The following ADGRD1 variants were observed in gnomAD, a reference collection of about 807,000 sequenced individuals.
The protein encoded by ADGRD1 is G-protein coupled receptor 133.
ADGRD1 carries 77 observed loss-of-function variants against 113.4 expected under a neutral mutation model. The ratio of observed to expected loss-of-function variants is 0.68; its 90% confidence interval spans 0.57 to 0.82. The LOEUF (loss-of-function observed/expected upper bound fraction) is 0.82, where lower values mean the gene tolerates loss of function less well. Among genes scored for constraint, ADGRD1 ranks in the 40% least tolerant of loss-of-function variants. The pLI, the probability that ADGRD1 is intolerant of heterozygous loss-of-function variation, is 0.00. For synonymous variants in ADGRD1, 474 were observed against 475.0 expected, an observed-to-expected ratio of 1.00 and a Z score of 0.03; for missense variants, 1,036 against 1,139.1, an observed-to-expected ratio of 0.91 and a Z score of 1.30.
intron 15 of ADGRD1, among the ~76,000 whole-genome samples, chr12:131,103,192 A>G (rs1437629597): frequency 6.6e-6 from 1 of 152,250 alleles, no homozygotes; most frequent in Admixed American, 6.5e-5. Flanking sequence ...GGCTCTGCCC[A>G]GCCCTCAGCC....
rs1489395186 is a variant in ADGRD1 at position 130,961,853 on chromosome 12, C to G, written c.104-4610C>G. Among the ~76,000 whole-genome samples, 6 of 152,294 alleles carry G rather than the reference C, an allele frequency of 3.9e-5. No individual in the cohort carries two copies. The East Asian group carries it at 5.8e-4, about 15-fold the overall frequency. On this transcript the variant is annotated intron_variant, in intron 2 of 24. Transcript: ENST00000261654. ...TAAAAAAAAATCTGAATTTCTGACT[C>G]TGCTTTAAAAAATGAAGACCTGACA... is the stretch of plus-strand genomic sequence containing the variant.
chr12:131,132,472 G>A (rs1356839413), intron 21 of ADGRD1, among the ~76,000 whole-genome samples: 8 of 152,252 alleles, frequency 5.3e-5, no homozygotes, highest in African/African-American at 2.4e-5. Context: ...GCAGCTGACT[G>A]TGAAGTCCGG....
At chr12:131,110,117 C>G (rs1007426166) in intron 18 of ADGRD1, among the ~76,000 whole-genome samples, 4 of 128,676 alleles carry the variant, frequency 3.1e-5, no homozygotes, top group African/African-American at 1.0e-4. Context: ...CTCCTGTAAA[C>G]AGAATACAAC....
rs139444243 is a variant in ADGRD1 at position 131,034,123 on chromosome 12, G to A, written c.1473+19783G>A. Among the ~76,000 whole-genome samples, 43 of 152,292 alleles carry A rather than the reference G, an allele frequency of 2.8e-4. 1 individual carries two copies. Among genetic ancestry groups the A allele is most frequent in the Admixed American group, 1.4e-3 (22 of 15,300 alleles). ...CGTGGCCGTCAGGTGGTGTCACCCTGTGCTCGAACCCTCTCGGGGCTTCCT... is the reference window on the plus strand; with the variant it reads ...CGTGGCCGTCAGGTGGTGTCACCCTATGCTCGAACCCTCTCGGGGCTTCCT... On this transcript the variant is annotated intron_variant, in intron 13 of 24. Coordinates refer to ENST00000261654, the MANE Select transcript of ADGRD1 (RefSeq NM_198827.5).
intron 18 of ADGRD1, among the ~76,000 whole-genome samples, chr12:131,114,832 A>G (rs1006556632): frequency 2.0e-5 from 3 of 152,188 alleles, no homozygotes; most frequent in Non-Finnish European, 1.5e-5. Flanking sequence ...TCTGTCCTCA[A>G]GGAGCCCACA....
At chr12:131,007,727 T>A (rs1151359) in intron 12 of ADGRD1, among the ~76,000 whole-genome samples, 147,091 of 152,354 alleles carry the variant, frequency 0.97, 71,184 homozygotes, top group East Asian at 1. Context: ...CCCCACAACA[T>A]GTTCCATGAG....
Position 131,104,859 on chromosome 12 carries a change from C to T in ADGRD1, c.1700C>T (p.Ser567Leu), listed in dbSNP as rs192515185. The T allele has an allele frequency of 2.3e-5, 35 of 1,550,056 alleles. No individual in the cohort carries two copies. The highest frequency in any genetic ancestry group is 1.5e-4 in the South Asian group (13 of 84,014). The change falls in exon 16 of 25, where the codon TCG becomes TTG. Residue 567 changes from serine to leucine, a missense_variant. By Grantham distance (145) the Ser-to-Leu change is moderately radical. Coordinates refer to ENST00000261654, the MANE Select transcript of ADGRD1 (RefSeq NM_198827.5). ...ELARGHQVALSSISYVGCSLS... is the reference protein window; with the variant it reads ...ELARGHQVALLSISYVGCSLS... Reference sequence around the variant, plus strand: ...GCACGCGGACACCAGGTGGCGCTGTCGTCTATCAGCTATGTGGGCTGCTCC... The same window carrying T: ...GCACGCGGACACCAGGTGGCGCTGTTGTCTATCAGCTATGTGGGCTGCTCC...
At chr12:130,968,925 G>T in intron 3 of ADGRD1, 1 of 1,023,146 alleles carries the variant, frequency 9.8e-7, no homozygotes, top group African/African-American at 1.6e-5. Flanking sequence ...GGTCCCATTT[G>T]TCTTTTGTCT....
At position 131,084,642 on chromosome 12, in the gene ADGRD1, C is replaced by T. The variant is rs1417936457; in HGVS notation, c.1650C>T (p.Leu550=). The change falls in exon 15 of 25, where the codon CTC becomes CTT. Residue 550 remains leucine, a synonymous_variant. Transcript: ENST00000261654. The surrounding 1 kb of genome is among the most constrained non-coding windows in gnomAD (Gnocchi z 4.5). ...CTCACCTCACCAACTTTGCCATCCTCATGCAGGTGGTCCCGCTGGAGGTAA... is the reference window on the plus strand; with the variant it reads ...CTCACCTCACCAACTTTGCCATCCTTATGCAGGTGGTCCCGCTGGAGGTAA... The part of the protein sequence containing the change: ...RCTHLTNFAI[L]MQVVPLELAR... 1.2e-6 allele frequency: 2 copies of T among 1,614,192 alleles called. No homozygotes were observed. The highest frequency in any genetic ancestry group is 1.7e-6 in the Non-Finnish European group (2 of 1,180,028).
At chr12:130,970,324 G>A (rs892147274) in intron 3 of ADGRD1, 1 of 152,212 alleles carries the variant, frequency 6.6e-6, no homozygotes, top group Non-Finnish European at 1.5e-5. Flanking sequence ...CAGTCAAGCA[G>A]TCTGACTTAG....
chr12:130,992,383 TC>T lies in ADGRD1; in HGVS notation c.958del (p.Leu320SerfsTer6), dbSNP rs1287006962. The T allele has an allele frequency of 1.2e-6, 2 of 1,613,384 alleles. No individual in the cohort carries two copies. On this transcript the variant is annotated frameshift_variant, in exon 8 of 25. Coordinates refer to ENST00000261654, the MANE Select transcript of ADGRD1 (RefSeq NM_198827.5). LOFTEE classifies it high-confidence loss of function. ...KSLSEQTALN[L>X]TKTFLKAVGE... ...CCCTCTCGGAGCAGACAGCCTTGAA[TC>T]TCACCAAGGTAAGGCTATTTGATGT... is the stretch of plus-strand genomic sequence containing the variant.
Position 131,014,273 on chromosome 12 carries a change from C to A in ADGRD1, c.1406C>A (p.Pro469Gln), listed in dbSNP as rs755073860. Residue 469 changes from proline to glutamine, a missense_variant, in exon 13 of 25, where the codon CCA becomes CAA. By Grantham distance (76) the Pro-to-Gln change is moderately conservative. Coordinates refer to ENST00000261654, the MANE Select transcript of ADGRD1 (RefSeq NM_198827.5). ...CACCTGATTTCCCTGGAGGTGTCCC[C>A]ACCACCCACCCTGTCTCAGAACCTG... is the stretch of plus-strand genomic sequence containing the variant. Reference protein sequence around the residue: ...TSHLISLEVSPPPTLSQNLSG... With the variant: ...TSHLISLEVSQPPTLSQNLSG... 1 of 1,614,066 alleles carries A rather than the reference C, an allele frequency of 6.2e-7. No individual in the cohort carries two copies. Among genetic ancestry groups the A allele is most frequent in the Admixed American group, 1.7e-5 (1 of 60,024 alleles).
intron 4 of ADGRD1, among the ~76,000 whole-genome samples, chr12:130,980,270 A>T (rs1169036401): frequency 6.6e-6 from 1 of 151,114 alleles, no homozygotes; most frequent in Non-Finnish European, 1.5e-5. Flanking sequence ...ACGCCTGGCT[A>T]ATTTTTTGTA....
rs530757116 is a variant in ADGRD1, at chr12:130,966,792, C to T, written c.187+246C>T. On this transcript the variant is annotated intron_variant, in intron 3 of 24. Transcript: ENST00000261654. The surrounding 1 kb of genome is among the most constrained non-coding windows in gnomAD (Gnocchi z 4.6). ...ACTTCCCGTAATAGTTATTTCAAAG[C>T]TTTTTTTTTTGTAGAGATGGGGTCT... 3,214 of 353,348 alleles carry T rather than the reference C, an allele frequency of 9.1e-3. 38 individuals carry two copies. The highest frequency in any genetic ancestry group is 0.013 in the Non-Finnish European group (2,442 of 183,558). The allele number at this position is 353,348 out of a possible 1,614,324, so 21.9% of individuals were successfully genotyped here. A position where few individuals can be genotyped will look rare whatever the true frequency, so the allele number is the denominator to read the frequency against.
At chr12:131,062,818 TA>T (rs922081745) in intron 13 of ADGRD1, among the ~76,000 whole-genome samples, 2 of 151,812 alleles carry the variant, frequency 1.3e-5, no homozygotes, top group Admixed American at 6.6e-5. Context: ...TATTTAATAT[TA>T]AAAAAAAATC....
chr12:131,084,577 C>T lies in ADGRD1; in HGVS notation c.1585C>T (p.Leu529Phe), dbSNP rs1181997664. The T allele has an allele frequency of 8.7e-6, 14 of 1,614,114 alleles. No homozygotes were observed. Among genetic ancestry groups the T allele is most frequent in the African/African-American group, 1.3e-5 (1 of 75,030 alleles). The stretch of plus-strand genomic sequence containing the variant: ...GGTCTGGTCGAACCACGGCTGTGCG[C>T]TCACGAGAGGAAACCTCACCTACTC... ...EGVWSNHGCA[L>F]TRGNLTYSVC... The change falls in exon 15 of 25, where the codon CTC (leucine) becomes TTC (phenylalanine). Residue 529 changes from leucine to phenylalanine, a missense_variant. By Grantham distance (22) the Leu-to-Phe change is conservative. Transcript: ENST00000261654. The surrounding 1 kb of genome is among the most constrained non-coding windows in gnomAD (Gnocchi z 4.5).
chr12:131,061,499 G>T (rs529470380), intron 13 of ADGRD1, among the ~76,000 whole-genome samples: 2 of 152,302 alleles, frequency 1.3e-5, no homozygotes, highest in East Asian at 3.9e-4. Flanking sequence ...ATTTATAGTT[G>T]ATCTGATGTT....
intron 13 of ADGRD1, among the ~76,000 whole-genome samples, chr12:131,061,578 T>G (rs1884336394): frequency 6.6e-6 from 1 of 152,226 alleles, no homozygotes; most frequent in Non-Finnish European, 1.5e-5. Context: ...CAAAAATAAT[T>G]ACAAAGAAGT....
rs548887245 is a variant in ADGRD1, at chr12:131,139,363, G to C, written c.*100G>C. On this transcript the variant is annotated 3_prime_UTR_variant, in exon 25 of 25. Transcript: ENST00000261654. The stretch of plus-strand genomic sequence containing the variant: ...GCCCATGGACCCTCTCCTTGCTGCT[G>C]TCTGGACATGGGTGTTGTGGCCCCG... The C allele has an allele frequency of 2.6e-5, 21 of 799,536 alleles. No homozygotes were observed. Among genetic ancestry groups the C allele is most frequent in the African/African-American group, 2.5e-4 (15 of 59,058 alleles). 49.5% of individuals were successfully genotyped at this position (799,536 alleles called of 1,614,324 possible).
Sources: gnomAD v4.1 joint callset for allele counts (sites outside exome capture counted in the v4.1 genomes callset) on GRCh38, gnomAD v4.1.1 for gene constraint, Gnocchi (gnomAD v3.1) non-coding constraint, MANE v1.5 for transcripts, NCBI Gene and HGNC (gene_info 2026-07-23, HGNC 2026-07-21) for gene names.